Variants in IFT74 observed in about 807,000 individuals in gnomAD.
The protein encoded by IFT74 is intraflagellar transport 74, also known as intraflagellar transport protein 74 homolog.
Under a neutral mutation model 96.7 loss-of-function variants are expected in IFT74, and 92 were observed. That is an observed-to-expected ratio of 0.95 (90% confidence interval 0.80 to 1.13). The LOEUF is 1.13. Among genes scored for constraint, IFT74 ranks in the 50% most tolerant of loss-of-function variants. IFT74 has a pLI of 0.00. For missense variants in IFT74, 811 were observed against 698.2 expected (o/e 1.16, Z -1.82); for synonymous variants, 223 against 213.2 (o/e 1.05, Z -0.40).
intron 4 of IFT74, 120 bp downstream of exon 4, chr9:26,980,739 G>A (rs1242252521): frequency 1.7e-6 from 1 of 602,964 alleles, no homozygotes; most frequent in Non-Finnish European, 2.9e-6. Flanking sequence ...GGATAATTAG[G>A]TATCTATTGA....
At chr9:26,966,191 G>T (rs1306099863) in intron 2 of IFT74, among the ~76,000 whole-genome samples, 1 of 151,544 alleles carries the variant, frequency 6.6e-6, no homozygotes, top group East Asian at 1.9e-4. Context: ...CTTTCCTTTT[G>T]CAGTGGGATT....
chr9:27,047,467 C>G, intron 15 of IFT74, 96 bp downstream of exon 15: 4 of 640,608 alleles, frequency 6.2e-6, no homozygotes, highest in Non-Finnish European at 1.1e-5. Flanking sequence ...ACTATTGTAT[C>G]TTCTCATTTA....
chr9:26,964,716 A>G lies in IFT74; in HGVS notation c.120+2629A>G, dbSNP rs144149174. On this transcript the variant is annotated intron_variant, in intron 2 of 19. Transcript: ENST00000380062. The stretch of plus-strand genomic sequence containing the variant: ...TGACATTTCTTTTGATGCTAGGGGT[A>G]ATATTATAAAACTATTCTAAAACTC... Among the ~76,000 whole-genome samples, 364 of 152,268 alleles carry G rather than the reference A, an allele frequency of 2.4e-3. 3 individuals carry two copies. Among genetic ancestry groups the G allele is most frequent in the African/African-American group, 8.3e-3 (346 of 41,550 alleles).
chr9:26,999,466 T>C (rs1313687360), intron 8 of IFT74: 2 of 447,158 alleles, frequency 4.5e-6, no homozygotes, highest in Non-Finnish European at 7.5e-6. Context: ...TTTTGTCAAA[T>C]TGGAATTTGG....
intron 9 of IFT74, among the ~76,000 whole-genome samples, chr9:27,011,146 G>A (rs1829045760): frequency 6.6e-6 from 1 of 152,118 alleles, no homozygotes; most frequent in African/African-American, 2.4e-5. Flanking sequence ...CCAGCTACTC[G>A]GGAGGCTGAG....
intron 14 of IFT74, among the ~76,000 whole-genome samples, chr9:27,046,025 A>G (rs1337442791): frequency 6.6e-6 from 1 of 152,194 alleles, no homozygotes; most frequent in African/African-American, 2.4e-5. Context: ...AAGAATTCCT[A>G]TACTACAGAA....
At chr9:26,986,178 A>G (rs1827624086) in intron 6 of IFT74, among the ~76,000 whole-genome samples, 1 of 152,230 alleles carries the variant, frequency 6.6e-6, no homozygotes, top group Admixed American at 6.5e-5. Flanking sequence ...CATAATGGTT[A>G]GGATAAGATA....
intron 2 of IFT74, 86 bp from the exon 3 acceptor site, chr9:26,978,042 T>A (rs1052103820): frequency 4.0e-5 from 50 of 1,244,994 alleles, no homozygotes; most frequent in Non-Finnish European, 5.2e-5. Context: ...TTTGTTTTTT[T>A]AAAAAATTGT....
chr9:27,032,590 G>A (rs544389479), intron 13 of IFT74, among the ~76,000 whole-genome samples: 9 of 152,146 alleles, frequency 5.9e-5, no homozygotes, highest in East Asian at 1.9e-4. Context: ...TGTCCTGGCC[G>A]GGTGCAGTGG....
intron 6 of IFT74, among the ~76,000 whole-genome samples, chr9:26,985,664 G>A (rs989462695): frequency 9.9e-5 from 15 of 151,822 alleles, no homozygotes; most frequent in Admixed American, 6.6e-4. Flanking sequence ...ATTGTTTTTT[G>A]TAAAATACGT....
At chr9:26,954,557 G>A (rs1188913574), upstream of IFT74, among the ~76,000 whole-genome samples, 4 of 150,654 alleles carry the variant, frequency 2.7e-5, no homozygotes, top group South Asian at 2.1e-4. Context: ...AGGGTGCACT[G>A]AGGACATATA....
At chr9:27,048,109 A>T in intron 15 of IFT74, 39 bp from the exon 16 acceptor site, 1 of 1,452,550 alleles carries the variant, frequency 6.9e-7, no homozygotes, top group Non-Finnish European at 9.4e-7. Context: ...TAACTAAATC[A>T]GTGGATTTTT....
intron 13 of IFT74, 72 bp downstream of exon 13, chr9:27,029,176 C>G: frequency 8.7e-7 from 1 of 1,143,294 alleles, no homozygotes; most frequent in Non-Finnish European, 1.2e-6. Flanking sequence ...TAACTGGTGT[C>G]TCAGAGACTG....
In IFT74 at chr9:27,018,644, T is replaced by C; in HGVS notation, c.934-3T>C. On this transcript the variant is annotated splice_region_variant and splice_polypyrimidine_tract_variant and intron_variant, in intron 11 of 19. Transcript: ENST00000380062. ...ATACTACTTTCTTTTTATGCCTTTG[T>C]AGATTAAAGATGATAATCAGGAAAT... is the stretch of plus-strand genomic sequence containing the variant. 6.7e-7 allele frequency: 1 copy of C among 1,494,266 alleles called. No homozygotes were observed. The highest frequency in any genetic ancestry group is 9.2e-7 in the Non-Finnish European group (1 of 1,088,476). 92.6% of individuals were successfully genotyped at this position (1,494,266 alleles called of 1,614,324 possible).
At chr9:26,969,381 T>C (rs7874940) in intron 2 of IFT74, among the ~76,000 whole-genome samples, 15,380 of 151,820 alleles carry the variant, frequency 0.1, 1,781 homozygotes, top group East Asian at 0.65. Flanking sequence ...TATGTATAGC[T>C]ACTCCTGCTT....
intron 2 of IFT74, among the ~76,000 whole-genome samples, chr9:26,966,394 G>A (rs1351997157): frequency 1.3e-5 from 2 of 152,044 alleles, no homozygotes; most frequent in Admixed American, 6.5e-5. Flanking sequence ...ATATCTCACT[G>A]TAGTTTTGAT....
At chr9:27,032,967 T>C (rs997071468) in intron 13 of IFT74, among the ~76,000 whole-genome samples, 7 of 152,166 alleles carry the variant, frequency 4.6e-5, no homozygotes, top group Non-Finnish European at 8.8e-5. Context: ...GAATCTGGCA[T>C]GTATTTAACA....
intron 13 of IFT74, among the ~76,000 whole-genome samples, chr9:27,042,177 A>T (rs890554814): frequency 6.6e-6 from 1 of 152,222 alleles, no homozygotes; most frequent in Non-Finnish European, 1.5e-5. Flanking sequence ...ATCAATATAT[A>T]TAGTAAGCAT....
At chr9:26,972,610 G>T (rs1181433804) in intron 2 of IFT74, among the ~76,000 whole-genome samples, 1 of 152,154 alleles carries the variant, frequency 6.6e-6, no homozygotes, top group Non-Finnish European at 1.5e-5. Context: ...GAGACGGTCA[G>T]GCTTCCACTG....
Sources: gnomAD v4.1 joint callset for allele counts (sites outside exome capture counted in the v4.1 genomes callset) on GRCh38, gnomAD v4.1.1 for gene constraint, MANE v1.5 for transcripts, NCBI Gene and HGNC (gene_info 2026-07-23, HGNC 2026-07-21) for gene names.